CAMK1D: variants seen among roughly 807,000 people sequenced by gnomAD.
The protein encoded by CAMK1D is calcium/calmodulin-dependent protein kinase type 1D.
Under a neutral mutation model 47.7 loss-of-function variants are expected in CAMK1D, and 9 were observed. That is an observed-to-expected ratio of 0.19 (90% CI 0.11 to 0.33). CAMK1D has a LOEUF of 0.33. Among genes scored for constraint, CAMK1D ranks in the 10% least tolerant of loss-of-function variants. CAMK1D has a pLI of 1.00. For missense variants in CAMK1D, 291 were observed against 488.7 expected (o/e 0.60, Z 3.81); for synonymous variants, 184 against 184.9 (o/e 0.99, Z 0.04).
intron 1 of CAMK1D, among the ~76,000 whole-genome samples, chr10:12,498,498 T>C (rs1421753854): frequency 6.6e-6 from 1 of 152,210 alleles, no homozygotes; most frequent in Non-Finnish European, 1.5e-5. Flanking sequence ...GAGATATGGC[T>C]GAATCCCATA....
chr10:12,461,655 A>G (rs947925471), intron 1 of CAMK1D, among the ~76,000 whole-genome samples: 3 of 150,126 alleles, frequency 2.0e-5, no homozygotes, highest in African/African-American at 4.9e-5. Flanking sequence ...TGCTATTGCA[A>G]TCCAGCCTGG....
chr10:12,694,076 AT>A (rs1833072935), intron 3 of CAMK1D, among the ~76,000 whole-genome samples: 1 of 54,740 alleles, frequency 1.8e-5, no homozygotes, highest in Admixed American at 3.5e-4. Flanking sequence ...TATATAAAAA[AT>A]ATTATGTATA....
At chr10:12,655,891 A>G (rs751878510) in intron 2 of CAMK1D, among the ~76,000 whole-genome samples, 1 of 152,262 alleles carries the variant, frequency 6.6e-6, no homozygotes, top group Non-Finnish European at 1.5e-5. Context: ...GAACCTATTG[A>G]TGCACAAGTT....
chr10:12,407,918 T>C (rs1304547469), intron 1 of CAMK1D, among the ~76,000 whole-genome samples: 2 of 144,722 alleles, frequency 1.4e-5, no homozygotes, highest in Non-Finnish European at 3.0e-5. Context: ...AGTGCAGTGG[T>C]GCAATCTTGG....
At chr10:12,719,096 T>C (rs1300005032) in intron 3 of CAMK1D, among the ~76,000 whole-genome samples, 2 of 152,206 alleles carry the variant, frequency 1.3e-5, no homozygotes, top group Non-Finnish European at 2.9e-5. Context: ...AAGGTTCTCA[T>C]GGGAAGTTCC....
chr10:12,652,330 C>T (rs1839997014), intron 2 of CAMK1D, among the ~76,000 whole-genome samples: 1 of 151,246 alleles, frequency 6.6e-6, no homozygotes, highest in Admixed American at 6.6e-5. Context: ...GCCTGTAATC[C>T]CAGCACTTTG....
intron 2 of CAMK1D, among the ~76,000 whole-genome samples, chr10:12,630,062 G>A (rs567863247): frequency 6.6e-6 from 1 of 152,300 alleles, no homozygotes; most frequent in Non-Finnish European, 1.5e-5. Flanking sequence ...TGGCCTCTTG[G>A]CTTGGTTTTG....
chr10:12,627,248 A>T (rs1470788198), intron 2 of CAMK1D, among the ~76,000 whole-genome samples: 1 of 151,556 alleles, frequency 6.6e-6, no homozygotes, highest in Non-Finnish European at 1.5e-5. Context: ...CGCCCAGCTA[A>T]TTTTTTTGTA....
At chr10:12,490,632 T>G (rs1211685016) in intron 1 of CAMK1D, among the ~76,000 whole-genome samples, 1 of 152,180 alleles carries the variant, frequency 6.6e-6, no homozygotes, top group Non-Finnish European at 1.5e-5. Context: ...GCCGATCACC[T>G]GAGGTCAGTT....
intron 1 of CAMK1D, among the ~76,000 whole-genome samples, chr10:12,480,447 CA>C (rs1554775472): frequency 6.9e-6 from 1 of 145,156 alleles, no homozygotes; most frequent in South Asian, 2.3e-4. Context: ...AAACAAAAAA[CA>C]AAAAACAAAA....
chr10:12,718,807 A>G (rs888983455), intron 3 of CAMK1D, among the ~76,000 whole-genome samples: 3 of 151,736 alleles, frequency 2.0e-5, no homozygotes, highest in Admixed American at 2.0e-4. Context: ...TTTTCTCTCT[A>G]CTAACCATTT....
intron 3 of CAMK1D, among the ~76,000 whole-genome samples, chr10:12,739,353 A>G (rs113879966): frequency 0.11 from 17,203 of 151,034 alleles, 2,449 homozygotes; most frequent in African/African-American, 0.33. Flanking sequence ...TTGGCTCACT[A>G]TAACCTCCGC....
intron 2 of CAMK1D, among the ~76,000 whole-genome samples, chr10:12,605,414 C>A (rs1039069671): frequency 6.6e-5 from 10 of 150,970 alleles, no homozygotes; most frequent in Non-Finnish European, 1.3e-4. Context: ...CACCCCTTGG[C>A]CAGAACTTCA....
At chr10:12,466,692 C>T (rs1833601996) in intron 1 of CAMK1D, among the ~76,000 whole-genome samples, 1 of 151,432 alleles carries the variant, frequency 6.6e-6, no homozygotes, top group Non-Finnish European at 1.5e-5. Context: ...TTGGTAAGTG[C>T]CATCAGCAAT....
chr10:12,359,455 G>T (rs1240860858), intron 1 of CAMK1D, among the ~76,000 whole-genome samples: 3 of 151,888 alleles, frequency 2.0e-5, no homozygotes, highest in Non-Finnish European at 4.4e-5. Flanking sequence ...CTCTGGCCCA[G>T]CTCCGGTGCT....
At chr10:12,608,187 G>A (rs1375738767) in intron 2 of CAMK1D, among the ~76,000 whole-genome samples, 1 of 152,182 alleles carries the variant, frequency 6.6e-6, no homozygotes, top group African/African-American at 2.4e-5. Flanking sequence ...GGGAGGCCAA[G>A]GTGGGTGGAT....
At chr10:12,453,717 T>C (rs898510175) in intron 1 of CAMK1D, among the ~76,000 whole-genome samples, 2 of 152,214 alleles carry the variant, frequency 1.3e-5, no homozygotes, top group African/African-American at 2.4e-5. Flanking sequence ...CACTTCTGAC[T>C]TACATGGACT....
intron 3 of CAMK1D, among the ~76,000 whole-genome samples, chr10:12,749,555 T>TTGTTG (rs796458635): frequency 4.6e-4 from 63 of 136,782 alleles, no homozygotes; most frequent in East Asian, 1.9e-3. Flanking sequence ...TTGTTTTTTG[T>TTGTTG]TTGTTTGTTT....
chr10:12,571,473 A>AAAAAAG, intron 2 of CAMK1D, among the ~76,000 whole-genome samples: 1 of 141,560 alleles, frequency 7.1e-6, no homozygotes, highest in Non-Finnish European at 1.6e-5. Context: ...AAAAAAAAAG[A>AAAAAAG]AAAAAAAGAA....
Sources: gnomAD v4.1 joint callset for allele counts (sites outside exome capture counted in the v4.1 genomes callset) on GRCh38, gnomAD v4.1.1 for gene constraint, MANE v1.5 for transcripts, NCBI Gene and HGNC (gene_info 2026-07-23, HGNC 2026-07-21) for gene names.